IPP: variants seen among roughly 807,000 people sequenced by gnomAD.
IPP encodes the protein intracisternal A particle-promoted polypeptide, also known as actin-binding protein IPP.
In IPP, 41 loss-of-function variants were observed where a neutral mutation model predicts 64.1. The observed-to-expected ratio is 0.64, with a 90% CI of 0.50 to 0.83. The LOEUF is 0.83. Among genes scored for constraint, IPP ranks in the 40% least tolerant of loss-of-function variants. The probability of loss-of-function intolerance (pLI) is 0.00; values close to 1 mark genes in which losing one functional copy is unlikely to be tolerated. For missense variants in IPP, 649 were observed against 703.0 expected (o/e 0.92, Z 0.87); for synonymous variants, 214 against 235.2 (o/e 0.91, Z 0.83).
intron 5 of IPP, 54 bp downstream of exon 5, chr1:45,727,577 A>G: frequency 8.6e-7 from 1 of 1,169,438 alleles, no homozygotes; most frequent in East Asian, 2.4e-5. Flanking sequence ...CATAAAGCAT[A>G]TTAGAATATA....
chr1:45,748,100 C>A (rs570125048), intron 1 of IPP, among the ~76,000 whole-genome samples: 4 of 152,090 alleles, frequency 2.6e-5, no homozygotes, highest in Admixed American at 2.0e-4. Flanking sequence ...TTGAGAGATT[C>A]GAAGGTAGCT....
intron 6 of IPP, among the ~76,000 whole-genome samples, chr1:45,718,327 T>C (rs766955518): frequency 2.6e-5 from 4 of 152,208 alleles, no homozygotes; most frequent in Non-Finnish European, 4.4e-5. Flanking sequence ...AATACAATTT[T>C]GAGAATAAGA....
rs891272463 is a variant in IPP, at chr1:45,714,728, T to C, written c.1310-262A>G. ...ATCTGTCAGCTAAGGATTTTCTATC[T>C]AATTGTCTGCTTGGTGATCTCAGGT... On this transcript the variant is annotated intron_variant, in intron 7 of 8. Coordinates refer to ENST00000396478, the MANE Select transcript of IPP (RefSeq NM_005897.3). 2.0e-5 allele frequency among the ~76,000 whole-genome samples: 3 copies of C among 152,294 alleles called. No individual in the cohort carries two copies. The East Asian group carries it at 5.8e-4, about 29-fold the overall frequency.
At chr1:45,746,524 C>A in intron 1 of IPP, 63 bp from the exon 2 acceptor site, 2 of 677,006 alleles carry the variant, frequency 3.0e-6, no homozygotes, top group Admixed American at 2.8e-5. Context: ...TCTATTCACA[C>A]ATAAGAAGCA....
chr1:45,699,739 T>TG lies in IPP; in HGVS notation c.*226_*227insC, dbSNP rs1008105248. On this transcript the variant is annotated 3_prime_UTR_variant, in exon 9 of 9. Transcript: ENST00000396478. ...GTGCAGTGGCATGATCGTAGCTTAC[T>TG]ACAACCTCAAATTCCTGGGCTCAAG... 7.8e-7 allele frequency: 1 copy of TG among 1,277,544 alleles called. No homozygotes were observed. Among genetic ancestry groups the TG allele is most frequent in the African/African-American group, 1.5e-5 (1 of 66,890 alleles). The allele number at this position is 1,277,544 out of a possible 1,614,324, so 79.1% of individuals were successfully genotyped here. A position where few individuals can be genotyped will look rare whatever the true frequency, so the allele number is the denominator to read the frequency against.
At chr1:45,711,034 A>AC (rs1047775122) in intron 8 of IPP, among the ~76,000 whole-genome samples, 2 of 81,674 alleles carry the variant, frequency 2.4e-5, no homozygotes, top group African/African-American at 9.5e-5. Context: ...AAACAAACAA[A>AC]AAAAAAAAGA....
At chr1:45,713,769 C>T (rs565143126) in intron 8 of IPP, among the ~76,000 whole-genome samples, 1 of 152,240 alleles carries the variant, frequency 6.6e-6, no homozygotes, top group Admixed American at 6.5e-5. Flanking sequence ...ATGCTGTTCA[C>T]GCTGGTCTTG....
intron 3 of IPP, among the ~76,000 whole-genome samples, chr1:45,738,865 A>C (rs1458736177): frequency 9.4e-5 from 14 of 149,676 alleles, no homozygotes; most frequent in African/African-American, 3.2e-4. Flanking sequence ...AAAAAAAAAA[A>C]CAAGAAAAAA....
chr1:45,699,824 C>T lies in IPP; in HGVS notation c.*142G>A. The T allele has an allele frequency of 1.4e-5, 21 of 1,453,708 alleles. No homozygotes were observed. The highest frequency in any genetic ancestry group is 1.9e-5 in the Non-Finnish European group (21 of 1,107,578). 90.1% of individuals were successfully genotyped at this position (1,453,708 alleles called of 1,614,324 possible). A position where few individuals can be genotyped will look rare whatever the true frequency, so the allele number is the denominator to read the frequency against. On this transcript the variant is annotated 3_prime_UTR_variant, in exon 9 of 9. Transcript: ENST00000396478. ...ATTATAGGCATGAGGCCACTGCGCC[C>T]AGCCTCGTTAGTCATTTATCTACCA...
intron 5 of IPP, among the ~76,000 whole-genome samples, chr1:45,719,811 C>T (rs552912031): frequency 2.7e-5 from 4 of 150,898 alleles, no homozygotes; most frequent in Admixed American, 6.6e-5. Flanking sequence ...CTGCAAGCTC[C>T]GCCTCCTGGG....
intron 8 of IPP, among the ~76,000 whole-genome samples, chr1:45,701,536 C>T (rs1173983255): frequency 6.6e-6 from 1 of 152,186 alleles, no homozygotes; most frequent in African/African-American, 2.4e-5. Flanking sequence ...ATCCACCCGC[C>T]TTGGCCTCCC....
At position 45,746,334 on chromosome 1, in the gene IPP, T is replaced by TTGGG; in HGVS notation, c.74_77dup (p.Gln26HisfsTer5). On this transcript the variant is annotated frameshift_variant, in exon 2 of 9. Coordinates refer to ENST00000396478, the MANE Select transcript of IPP (RefSeq NM_005897.3). LOFTEE classifies it high-confidence loss of function. ...GCTGTCCATTTCTCATCTTATTGAT[T>TTGGG]TGGGCCAAGATGAGTTGGGCATGTT... is the stretch of plus-strand genomic sequence containing the variant. The TTGGG allele has an allele frequency of 6.2e-7, 1 of 1,614,066 alleles. No homozygotes were observed. The highest frequency in any genetic ancestry group is 1.3e-5 in the African/African-American group (1 of 75,044).
At chr1:45,704,341 G>A (rs1385585294) in intron 8 of IPP, among the ~76,000 whole-genome samples, 33 of 151,708 alleles carry the variant, frequency 2.2e-4, no homozygotes, top group Admixed American at 2.2e-3. Flanking sequence ...GGGTTCAAGC[G>A]ATTCTCCTGC....
intron 8 of IPP, among the ~76,000 whole-genome samples, chr1:45,705,106 T>C (rs942776511): frequency 1.3e-5 from 2 of 152,252 alleles, no homozygotes; most frequent in African/African-American, 4.8e-5. Flanking sequence ...GGTTGTTTTC[T>C]TCTACCACCA....
rs1383647261 is a variant in IPP at position 45,741,217 on chromosome 1, T to C, written c.408A>G (p.Pro136=). 3 of 1,614,186 alleles carry C rather than the reference T, an allele frequency of 1.9e-6. No homozygotes were observed. The highest frequency in any genetic ancestry group is 3.3e-5 in the Admixed American group (2 of 60,020). The change falls in exon 3 of 9, where the codon CCA becomes CCG. Residue 136 remains proline, a synonymous_variant. Transcript: ENST00000396478. ...CCEFLKGQID[P]LNCIGIFQFS... ...ACTGAAAAATTCCAATGCAGTTCAG[T>C]GGATCAATTTGTCCTTTCAGAAATT...
At chr1:45,725,393 T>A (rs1219177619) in intron 5 of IPP, among the ~76,000 whole-genome samples, 1 of 145,080 alleles carries the variant, frequency 6.9e-6, no homozygotes, top group Non-Finnish European at 1.5e-5. Flanking sequence ...GAGGGGCGCC[T>A]CTGCCCGGCC....
Position 45,700,204 on chromosome 1 carries a change from A to G in IPP, c.1531-14T>C, listed in dbSNP as rs1645434066. On this transcript the variant is annotated splice_polypyrimidine_tract_variant and intron_variant, in intron 8 of 8. Coordinates refer to ENST00000396478, the MANE Select transcript of IPP (RefSeq NM_005897.3). The stretch of plus-strand genomic sequence containing the variant: ...AACCCACTTTTCCTGGTTAAGAGAG[A>G]AAAAAAAAATATGTTAGCAGTGTTA... The G allele has an allele frequency of 7.2e-7, 1 of 1,390,182 alleles. No homozygotes were observed. The highest frequency in any genetic ancestry group is 1.9e-5 in the African/African-American group (1 of 54,018). The allele number at this position is 1,390,182 out of a possible 1,614,324, so 86.1% of individuals were successfully genotyped here.
intron 3 of IPP, 48 bp from the exon 4 acceptor site, chr1:45,729,817 T>A (rs1272868423): frequency 8.7e-7 from 1 of 1,150,282 alleles, no homozygotes; most frequent in African/African-American, 1.6e-5. Flanking sequence ...TTTTAAATAA[T>A]ATTGAAAAAA....
Position 45,698,717 on chromosome 1 carries a change from C to CTT in IPP, c.*1247_*1248dup, listed in dbSNP as rs78627575. 0.012 allele frequency: 8,995 copies of CTT among 738,204 alleles called. 9 individuals carry two copies. Among genetic ancestry groups the CTT allele is most frequent in the East Asian group, 0.017 (119 of 6,922 alleles). The allele number at this position is 738,204 out of a possible 1,614,324, so 45.7% of individuals were successfully genotyped here. On this transcript the variant is annotated 3_prime_UTR_variant, in exon 9 of 9. Coordinates refer to ENST00000396478, the MANE Select transcript of IPP (RefSeq NM_005897.3). ...AGCAAAAAAGGAAGAATTTTTTTTT[C>CTT]TTTTTTTTTTTTTTTTTTTGAGACA...
Sources: gnomAD v4.1 joint callset for allele counts (sites outside exome capture counted in the v4.1 genomes callset) on GRCh38, gnomAD v4.1.1 for gene constraint, MANE v1.5 for transcripts, NCBI Gene and HGNC (gene_info 2026-07-23, HGNC 2026-07-21) for gene names.